NFASC: variants seen among roughly 807,000 people sequenced by gnomAD.
NFASC encodes the protein neurofascin homolog.
Under a neutral mutation model 147.5 loss-of-function variants are expected in NFASC, and 43 were observed. The ratio of observed to expected loss-of-function variants is 0.29; its 90% CI spans 0.23 to 0.38. The LOEUF (loss-of-function observed/expected upper bound fraction) is 0.38. Ranked by LOEUF, NFASC falls within the 10% of genes least tolerant of loss-of-function variation. The pLI is 1.00. For synonymous variants in NFASC, 622 were observed against 665.5 expected, an observed-to-expected ratio of 0.93 and a Z score of 1.01; for missense variants, 1,320 against 1,689.0, an observed-to-expected ratio of 0.78 and a Z score of 3.83.
chr1:204,892,311 C>CTA lies in NFASC; in HGVS notation c.-199-28320_-199-28319insAT, dbSNP rs533801366. Among the ~76,000 whole-genome samples, 118 of 152,334 alleles carry CTA rather than the reference C, an allele frequency of 7.7e-4. 1 individual carries two copies. The highest frequency in any genetic ancestry group is 5.0e-3 in the South Asian group (24 of 4,822). On this transcript the variant is annotated intron_variant, in intron 1 of 29. Coordinates refer to ENST00000339876, the MANE Select transcript of NFASC (RefSeq NM_001005388.3). The stretch of plus-strand genomic sequence containing the variant: ...CACTGTCTGCTCTAGTATCCACTGT[C>CTA]TTGTTGCATAACAAGCCACCCCAAA...
intron 4 of NFASC, 129 bp from the exon 5 acceptor site, chr1:204,951,881 GC>G (rs1558224737): frequency 4.6e-6 from 3 of 651,698 alleles, no homozygotes; most frequent in South Asian, 1.9e-5. Flanking sequence ...CCTGTTCACC[GC>G]CCCCCACACC....
intron 2 of NFASC, among the ~76,000 whole-genome samples, chr1:204,922,778 A>G (rs967684419): frequency 1.3e-5 from 2 of 152,216 alleles, no homozygotes; most frequent in African/African-American, 2.4e-5. Context: ...TAAAAAAGAC[A>G]TAAGACTGCA....
chr1:204,905,550 T>G (rs960615903), intron 1 of NFASC, among the ~76,000 whole-genome samples: 21 of 152,178 alleles, frequency 1.4e-4, no homozygotes, highest in Non-Finnish European at 4.4e-5. Context: ...GTTTTTGAGT[T>G]GTAGTAATTA....
At chr1:204,876,765 G>A (rs759487705) in intron 1 of NFASC, among the ~76,000 whole-genome samples, 5 of 151,948 alleles carry the variant, frequency 3.3e-5, no homozygotes, top group Admixed American at 6.6e-5. Context: ...TTATATTGCA[G>A]CAAGTATCAG....
chr1:204,914,164 A>C (rs1019267494), intron 1 of NFASC, among the ~76,000 whole-genome samples: 9 of 152,234 alleles, frequency 5.9e-5, no homozygotes, highest in African/African-American at 2.2e-4. Flanking sequence ...ACTGATAAGA[A>C]TCAACCAACT....
rs942369491 is a variant in NFASC, at chr1:204,931,244, C to G, written c.-91+10504C>G. ...CTGCTGCCTGTCCACATGGAACCCT[C>G]CATCCCAATGAGGGATAAATCTGAG... On this transcript the variant is annotated intron_variant, in intron 2 of 29. Transcript: ENST00000339876. 2.0e-5 allele frequency among the ~76,000 whole-genome samples: 3 copies of G among 152,208 alleles called. No individual in the cohort carries two copies. In the South Asian group the frequency reaches 6.2e-4, roughly 32 times the overall value.
intron 1 of NFASC, among the ~76,000 whole-genome samples, chr1:204,874,231 G>A (rs568079293): frequency 6.6e-5 from 10 of 152,266 alleles, no homozygotes; most frequent in East Asian, 3.9e-4. Flanking sequence ...GTCTCCTGCC[G>A]CTGGGCTTGG....
intron 1 of NFASC, among the ~76,000 whole-genome samples, chr1:204,866,591 C>A (rs2077127433): frequency 6.6e-6 from 1 of 152,198 alleles, no homozygotes; most frequent in Non-Finnish European, 1.5e-5. Flanking sequence ...ACTTGCTCAG[C>A]TCTAAAGGCC....
intron 1 of NFASC, among the ~76,000 whole-genome samples, chr1:204,903,461 C>T (rs898678451): frequency 1.3e-5 from 2 of 152,220 alleles, no homozygotes; most frequent in African/African-American, 4.8e-5. Context: ...CTACAGAGGC[C>T]AGGTGTCTCC....
rs551045225 is a variant in NFASC, at chr1:204,944,333, G to A, written c.18G>A (p.Pro6=). The change falls in exon 3 of 30, where the codon CCG becomes CCA. Residue 6 remains proline, a synonymous_variant. Coordinates refer to ENST00000339876, the MANE Select transcript of NFASC (RefSeq NM_001005388.3). The part of the protein sequence containing the change: MARQP[P]PPWVHAAFLL... ...TGCCGAGGATGGCCAGGCAGCCACC[G>A]CCGCCCTGGGTCCATGCAGCCTTCC... is the stretch of plus-strand genomic sequence containing the variant. 20 of 1,613,674 alleles carry A rather than the reference G, an allele frequency of 1.2e-5. No homozygotes were observed. Among genetic ancestry groups the A allele is most frequent in the South Asian group, 8.8e-5 (8 of 90,954 alleles).
intron 26 of NFASC, among the ~76,000 whole-genome samples, chr1:205,001,972 G>A (rs1415691375): frequency 6.6e-6 from 1 of 152,232 alleles, no homozygotes; most frequent in Non-Finnish European, 1.5e-5. Flanking sequence ...CCTCTCAGGA[G>A]AGAGCAAAGC....
intron 3 of NFASC, among the ~76,000 whole-genome samples, chr1:204,945,279 A>G (rs961849449): frequency 2.6e-5 from 4 of 152,300 alleles, no homozygotes; most frequent in African/African-American, 7.2e-5. Flanking sequence ...TGAGCATGCC[A>G]TCTCTGACCC....
At chr1:204,955,644 T>C (rs1218608378) in intron 7 of NFASC, among the ~76,000 whole-genome samples, 2 of 151,756 alleles carry the variant, frequency 1.3e-5, no homozygotes, top group African/African-American at 2.4e-5. Flanking sequence ...GTTTTCAATT[T>C]AAATAAAAGC....
At chr1:204,918,332 C>G (rs1304105411) in intron 1 of NFASC, among the ~76,000 whole-genome samples, 1 of 152,100 alleles carries the variant, frequency 6.6e-6, no homozygotes, top group Non-Finnish European at 1.5e-5. Context: ...AACACAAATT[C>G]ATAAACTTTC....
rs760939966 is a variant in NFASC, at chr1:204,999,727, C to T, written c.3020-1443C>T. On this transcript the variant is annotated intron_variant, in intron 25 of 29. Coordinates refer to ENST00000339876, the MANE Select transcript of NFASC (RefSeq NM_001005388.3). Reference sequence around the variant, plus strand: ...CCTGACAGAGTTGTAGTGCAGAAGGCACCTCTTTGAAGTGAAAACCAGGAG... The same window carrying T: ...CCTGACAGAGTTGTAGTGCAGAAGGTACCTCTTTGAAGTGAAAACCAGGAG... 5 of 152,228 alleles carry T rather than the reference C, an allele frequency of 3.3e-5. No individual in the cohort carries two copies. In the South Asian group the frequency reaches 1.0e-3, roughly 32 times the overall value. The allele number at this position is 152,228 out of a possible 1,614,324, so 9.4% of individuals were successfully genotyped here.
At chr1:204,871,261 G>C (rs1311040999) in intron 1 of NFASC, among the ~76,000 whole-genome samples, 1 of 152,246 alleles carries the variant, frequency 6.6e-6, no homozygotes, top group East Asian at 1.9e-4. Flanking sequence ...TTGGGGTTAA[G>C]ATCTGAAATA....
intron 21 of NFASC, among the ~76,000 whole-genome samples, chr1:204,984,567 G>A (rs1393653244): frequency 6.6e-6 from 1 of 151,892 alleles, no homozygotes; most frequent in Non-Finnish European, 1.5e-5. Context: ...TTGAGGCACC[G>A]CTGAGCTACT....
intron 1 of NFASC, among the ~76,000 whole-genome samples, chr1:204,903,560 A>G (rs1467872868): frequency 6.6e-6 from 1 of 152,022 alleles, no homozygotes; most frequent in African/African-American, 2.4e-5. Context: ...AGACTATTCC[A>G]TCTGAGGCAG....
At chr1:204,953,591 C>T (rs1479340257) in intron 5 of NFASC, among the ~76,000 whole-genome samples, 3 of 152,184 alleles carry the variant, frequency 2.0e-5, no homozygotes, top group Admixed American at 6.5e-5. Flanking sequence ...CCACCGCGCC[C>T]GGCCAAAAGC....
Sources: gnomAD v4.1 joint callset for allele counts (sites outside exome capture counted in the v4.1 genomes callset) on GRCh38, gnomAD v4.1.1 for gene constraint, MANE v1.5 for transcripts, NCBI Gene and HGNC (gene_info 2026-07-23, HGNC 2026-07-21) for gene names.